The following HECTD2 variants were observed in gnomAD, a reference collection of about 807,000 sequenced individuals.
The protein encoded by HECTD2 is probable E3 ubiquitin-protein ligase HECTD2.
A neutral mutation model predicts 103.2 loss-of-function variants in HECTD2; 35 were observed. The ratio of observed to expected loss-of-function variants is 0.34; its 90% CI spans 0.26 to 0.45. The LOEUF is 0.45. Ranked by LOEUF, HECTD2 falls within the 20% of genes least tolerant of loss-of-function variation. The pLI is 1.00. For synonymous variants in HECTD2, 281 were observed against 329.9 expected (o/e 0.85, Z 1.61); for missense variants, 596 against 937.4 (o/e 0.64, Z 4.76).
At chr10:91,506,863 C>T (rs1383344622) in intron 20 of HECTD2, among the ~76,000 whole-genome samples, 1 of 149,428 alleles carries the variant, frequency 6.7e-6, no homozygotes, top group Non-Finnish European at 1.5e-5. Flanking sequence ...AACATTGATG[C>T]AAAAATCCTC....
chr10:91,464,419 A>G (rs1471840734), intron 5 of HECTD2, among the ~76,000 whole-genome samples: 2 of 152,212 alleles, frequency 1.3e-5, no homozygotes, highest in South Asian at 4.1e-4. Flanking sequence ...AAGGTATTTC[A>G]CTGGAACATG....
chr10:91,492,524 A>T, intron 13 of HECTD2, 40 bp downstream of exon 13: 1 of 1,498,024 alleles, frequency 6.7e-7, no homozygotes. Flanking sequence ...GTGTTTCTTC[A>T]TAATTGTTAG....
chr10:91,425,403 C>G lies in HECTD2; in HGVS notation c.261C>G (p.Ile87Met), dbSNP rs1843520099. The G allele has an allele frequency of 2.0e-6, 3 of 1,531,036 alleles. No homozygotes were observed. Among genetic ancestry groups the G allele is most frequent in the East Asian group, 4.7e-5 (2 of 42,756 alleles). The allele number at this position is 1,531,036 out of a possible 1,614,324, so 94.8% of individuals were successfully genotyped here. Reference sequence around the variant, plus strand: ...CTGCACATCTTGTTTTCCCTAACATCAAGAATGGTAAATAATTTTTAAATA... The same window carrying G: ...CTGCACATCTTGTTTTCCCTAACATGAAGAATGGTAAATAATTTTTAAATA... ...SSPAHLVFPN[I>M]KNVREPPPIC... Residue 87 changes from isoleucine (I) to methionine (M), a missense_variant, in exon 2 of 21, where the codon ATC becomes ATG. By Grantham distance (10) the Ile-to-Met change is conservative. Around this residue, in one of 4 missense-constraint regions of HECTD2, gnomAD observed 220 missense variants for 233.9 expected, o/e 0.94. Coordinates refer to ENST00000298068, the MANE Select transcript of HECTD2 (RefSeq NM_182765.6).
At chr10:91,437,769 C>T (rs1844194779) in intron 2 of HECTD2, among the ~76,000 whole-genome samples, 1 of 151,368 alleles carries the variant, frequency 6.6e-6, no homozygotes, top group Non-Finnish European at 1.5e-5. Flanking sequence ...TCCTGAATTT[C>T]TCTATTACAG....
At chr10:91,498,207 C>T in intron 16 of HECTD2, 25 bp downstream of exon 16, 1 of 1,460,952 alleles carries the variant, frequency 6.8e-7, no homozygotes, top group South Asian at 1.1e-5. Context: ...AAGTAGTTAT[C>T]TGTTAATCAT....
intron 1 of HECTD2, among the ~76,000 whole-genome samples, chr10:91,412,668 A>ATGTGTGTGTG (rs58691011): frequency 0.049 from 7,253 of 147,200 alleles, 460 homozygotes; most frequent in African/African-American, 0.14. Flanking sequence ...CTGTGGCAGA[A>ATGTGTGTGTG]TGTGTGTGTG....
chr10:91,430,789 G>A (rs1843825087), intron 2 of HECTD2, among the ~76,000 whole-genome samples: 1 of 151,866 alleles, frequency 6.6e-6, no homozygotes, highest in African/African-American at 2.4e-5. Context: ...ATGTGCGATG[G>A]GTTTCCTGAA....
At chr10:91,505,863 A>G (rs932778881) in intron 20 of HECTD2, among the ~76,000 whole-genome samples, 15 of 152,016 alleles carry the variant, frequency 9.9e-5, no homozygotes, top group African/African-American at 3.6e-4. Context: ...AATTGACCAC[A>G]TACTTGGAAG....
intron 14 of HECTD2, among the ~76,000 whole-genome samples, chr10:91,493,721 C>A (rs1846561324): frequency 6.6e-6 from 1 of 151,686 alleles, no homozygotes; most frequent in Non-Finnish European, 1.5e-5. Flanking sequence ...TTTCTGAAAA[C>A]CTTATCTCAA....
chr10:91,426,196 G>A (rs1320130496), intron 2 of HECTD2, among the ~76,000 whole-genome samples: 4 of 152,032 alleles, frequency 2.6e-5, no homozygotes, highest in African/African-American at 9.7e-5. Context: ...CAGGGAGGTA[G>A]AATTGTGTAT....
intron 9 of HECTD2, 145 bp downstream of exon 9, chr10:91,484,800 T>C (rs1425541575): frequency 1.5e-6 from 1 of 668,396 alleles, no homozygotes; most frequent in East Asian, 2.8e-5. Flanking sequence ...TTTTCTACTT[T>C]GATAATAGAT....
chr10:91,506,632 A>G (rs1589555370), intron 20 of HECTD2, among the ~76,000 whole-genome samples: 1 of 151,848 alleles, frequency 6.6e-6, no homozygotes, highest in East Asian at 1.9e-4. Flanking sequence ...GCAATAATCA[A>G]TAGCTTACCA....
intron 20 of HECTD2, among the ~76,000 whole-genome samples, chr10:91,502,619 A>T (rs1285961148): frequency 1.3e-5 from 2 of 152,150 alleles, no homozygotes; most frequent in Non-Finnish European, 2.9e-5. Context: ...TACATATATA[A>T]TTAAATTTCT....
rs982034393 is a variant in HECTD2 at position 91,429,729 on chromosome 10, C to T, written c.268+4319C>T. ...TCTGTGGGATCAGTGGTGATATCCC[C>T]TTTATCATTTTTTATTGCATCTATT... On this transcript the variant is annotated intron_variant, in intron 2 of 20. Transcript: ENST00000298068. Among the ~76,000 whole-genome samples, 816 of 152,054 alleles carry T rather than the reference C, an allele frequency of 5.4e-3. 4 individuals are homozygous for T. The highest frequency in any genetic ancestry group is 0.019 in the African/African-American group (782 of 41,444).
intron 1 of HECTD2, among the ~76,000 whole-genome samples, chr10:91,413,703 G>A (rs182370748): frequency 4.6e-5 from 7 of 152,288 alleles, no homozygotes; most frequent in East Asian, 1.9e-4. Context: ...GTGGAGCAGC[G>A]TTTGAAATGG....
At chr10:91,468,324 A>G (rs1204716823) in intron 5 of HECTD2, among the ~76,000 whole-genome samples, 1 of 152,166 alleles carries the variant, frequency 6.6e-6, no homozygotes, top group African/African-American at 2.4e-5. Flanking sequence ...AATTTTCCAG[A>G]AACAAAGCCA....
intron 5 of HECTD2, 137 bp downstream of exon 5, chr10:91,462,321 T>G: frequency 8.7e-7 from 1 of 1,150,496 alleles, no homozygotes; most frequent in Non-Finnish European, 1.1e-6. Context: ...GTAGCTGGAA[T>G]TCTCATAAAG....
Position 91,496,308 on chromosome 10 carries a change from G to A in HECTD2, c.1616G>A (p.Ser539Asn). The A allele has an allele frequency of 1.9e-6, 3 of 1,611,936 alleles. No homozygotes were observed. Among genetic ancestry groups the A allele is most frequent in the South Asian group, 1.1e-5 (1 of 90,984 alleles). ...KKLLSPPIIP[S>N]DQNIPVGICN... ...TTATTGAGCCCTCCCATCATTCCTA[G>A]TGATCAAAATATACCAGTAGGCATC... The change falls in exon 15 of 21, where the codon AGT (serine) becomes AAT (asparagine). Residue 539 changes from serine to asparagine, a missense_variant. By Grantham distance (46) the Ser-to-Asn change is conservative. Transcript: ENST00000298068.
Position 91,462,231 on chromosome 10 carries a change from A to G in HECTD2, c.600+47A>G, listed in dbSNP as rs756213222. The G allele has an allele frequency of 1.5e-5, 23 of 1,497,120 alleles. No homozygotes were observed. In the East Asian group the frequency reaches 4.8e-4, roughly 31 times the overall value. The allele number at this position is 1,497,120 out of a possible 1,614,324, so 92.7% of individuals were successfully genotyped here. ...TAATATTATTCTGTGTCTCTTCTGT[A>G]TATCAAAAGCAGCCATACAAATATT... On this transcript the variant is annotated intron_variant, in intron 5 of 20. Transcript: ENST00000298068.
Sources: allele counts gnomAD v4.1 joint callset (sites outside exome capture counted in the v4.1 genomes callset), GRCh38; gene constraint gnomAD v4.1.1; regional missense constraint gnomAD v4.1.1; transcripts MANE v1.5; gene names NCBI Gene and HGNC (gene_info 2026-07-23, HGNC 2026-07-21).